Variants in MAGT1 observed in about 807,000 individuals in gnomAD.
MAGT1 encodes the protein magnesium transporter 1.
Under a neutral mutation model 28.4 loss-of-function variants are expected in MAGT1, and 4 were observed. The observed-to-expected ratio is 0.14, with a 90% CI of 0.07 to 0.32. MAGT1 has a LOEUF of 0.32. MAGT1 is among the 10% of genes least tolerant of loss of function. MAGT1 has a pLI of 1.00. For missense variants in MAGT1, 193 were observed against 264.5 expected, an observed-to-expected ratio of 0.73 and a Z score of 1.88; for synonymous variants, 89 against 89.7, an observed-to-expected ratio of 0.99 and a Z score of 0.04.
At chrX:77,856,018 T>C (rs1052453730) in intron 5 of MAGT1, among the ~76,000 whole-genome samples, 4 of 110,469 alleles carry the variant, frequency 3.6e-5, no homozygotes, top group Admixed American at 9.7e-5. Flanking sequence ...TCTGCCCACC[T>C]CGGCCTCCCA....
At chrX:77,875,772 A>G (rs782547771) in intron 1 of MAGT1, among the ~76,000 whole-genome samples, 175 bp from the exon 2 acceptor site, 2 of 110,914 alleles carry the variant, frequency 1.8e-5, no homozygotes, top group African/African-American at 6.5e-5. Flanking sequence ...AAAATACATT[A>G]TTTCATAATA....
intron 1 of MAGT1, among the ~76,000 whole-genome samples, chrX:77,893,770 G>A (rs1557219671): frequency 9.0e-6 from 1 of 111,138 alleles, no homozygotes; most frequent in African/African-American, 3.3e-5. Context: ...TGTGGCACAT[G>A]CCGGTAGTCC....
At chrX:77,863,104 T>A (rs1447930142) in intron 3 of MAGT1, among the ~76,000 whole-genome samples, 2 of 107,761 alleles carry the variant, frequency 1.9e-5, no homozygotes, top group Non-Finnish European at 3.8e-5. Flanking sequence ...GAAGCGGAGG[T>A]TGCAGTGAGC....
At chrX:77,869,274 C>T (rs1557217128) in intron 3 of MAGT1, among the ~76,000 whole-genome samples, 1 of 111,459 alleles carries the variant, frequency 9.0e-6, no homozygotes, top group African/African-American at 3.3e-5. Flanking sequence ...CTTGGCCTCC[C>T]AAAGTGCTGG....
intron 7 of MAGT1, among the ~76,000 whole-genome samples, chrX:77,847,017 C>T (rs1312858977): frequency 8.9e-6 from 1 of 112,129 alleles, no homozygotes; most frequent in Non-Finnish European, 1.9e-5. Flanking sequence ...TTTGGCTATG[C>T]CCTGCTCCCA....
intron 8 of MAGT1, among the ~76,000 whole-genome samples, chrX:77,839,407 G>A (rs2076928765): frequency 1.9e-5 from 2 of 103,725 alleles, no homozygotes; most frequent in Non-Finnish European, 3.9e-5. Flanking sequence ...GCAATGGCAC[G>A]ATCTCGGCTC....
At chrX:77,863,785 C>T (rs917570178) in intron 3 of MAGT1, among the ~76,000 whole-genome samples, 2 of 111,735 alleles carry the variant, frequency 1.8e-5, no homozygotes, top group Non-Finnish European at 3.8e-5. Context: ...TGGGAGGCTG[C>T]GGCAGGTGGA....
chrX:77,895,129 C>T (rs1288371663), intron 1 of MAGT1, among the ~76,000 whole-genome samples, 180 bp downstream of exon 1: 2 of 111,645 alleles, frequency 1.8e-5, no homozygotes, highest in Non-Finnish European at 3.8e-5. Flanking sequence ...GATTCTACAT[C>T]CCCAGAAGAC....
rs200471443 is a variant in MAGT1, at chrX:77,840,611, GGT to G, written c.901+633_901+634del. Reference sequence around the variant, plus strand: ...TAATCCCAACACTTTGGGAGGCTGAGGTGGGAAGATCACTTGAGTCCAGGGGT... The same window carrying G: ...TAATCCCAACACTTTGGGAGGCTGAGGGGAAGATCACTTGAGTCCAGGGGT... On this transcript the variant is annotated intron_variant, in intron 8 of 9. Transcript: ENST00000618282. 9.3e-3 allele frequency among the ~76,000 whole-genome samples: 1,044 copies of G among 111,879 alleles called. 6 individuals carry two copies. The highest frequency in any genetic ancestry group is 0.049 in the South Asian group (131 of 2,698).
rs782630614 is a variant in MAGT1, at chrX:77,895,387, C to A, written c.24G>T (p.Trp8Cys). 1.7e-6 allele frequency: 2 copies of A among 1,212,009 alleles called. No homozygotes were observed. Among genetic ancestry groups the A allele is most frequent in the Non-Finnish European group, 1.1e-6 (1 of 895,559 alleles). The change falls in exon 1 of 10, where the codon TGG (tryptophan) becomes TGT (cysteine). Residue 8 changes from tryptophan to cysteine, a missense_variant. Trp to Cys is a radical substitution (Grantham distance 215). Coordinates refer to ENST00000618282, the MANE Select transcript of MAGT1 (RefSeq NM_001367916.1). ...CCACCACCATGGTCACAGAGACACA[C>A]CAAAACCGCCAACGCGCTGCCATGT... MAARWRFWCVSVTMVVAL... is the reference protein window; with the variant it reads MAARWRFCCVSVTMVVAL...
intron 3 of MAGT1, among the ~76,000 whole-genome samples, chrX:77,870,219 G>C (rs2077017155): frequency 9.0e-6 from 1 of 110,836 alleles, no homozygotes; most frequent in African/African-American, 3.3e-5. Context: ...AAAGGCATAA[G>C]ATTGATATAA....
At chrX:77,888,151 T>C (rs373580859) in intron 1 of MAGT1, among the ~76,000 whole-genome samples, 1 of 112,015 alleles carries the variant, frequency 8.9e-6, no homozygotes, top group East Asian at 2.8e-4. Context: ...TATACTGATC[T>C]AAAGCTTTCA....
intron 7 of MAGT1, among the ~76,000 whole-genome samples, chrX:77,846,184 G>C (rs1340687778): frequency 9.0e-6 from 1 of 110,863 alleles, no homozygotes; most frequent in African/African-American, 3.3e-5. Flanking sequence ...TCATTCATTT[G>C]ATCTTCCATC....
intron 7 of MAGT1, among the ~76,000 whole-genome samples, chrX:77,849,213 A>C (rs1453280582): frequency 9.2e-6 from 1 of 108,306 alleles, no homozygotes; most frequent in Non-Finnish European, 1.9e-5. Flanking sequence ...AGTAGCTGGG[A>C]CCACAGGCAC....
In MAGT1 at chrX:77,895,413, T is replaced by C. The variant is rs781882781; in HGVS notation, c.-3A>G. On this transcript the variant is annotated 5_prime_UTR_variant, in exon 1 of 10. Coordinates refer to ENST00000618282, the MANE Select transcript of MAGT1 (RefSeq NM_001367916.1). Reference sequence around the variant, plus strand: ...CAAAACCGCCAACGCGCTGCCATGTTCGCTCCTCTCCCTTCTATAAGTGAA... The same window carrying C: ...CAAAACCGCCAACGCGCTGCCATGTCCGCTCCTCTCCCTTCTATAAGTGAA... The C allele has an allele frequency of 8.3e-6, 10 of 1,209,769 alleles. No homozygotes were observed. In the Admixed American group the frequency reaches 2.2e-4, roughly 26 times the overall value.
At chrX:77,882,400 A>C (rs1379790619) in intron 1 of MAGT1, among the ~76,000 whole-genome samples, 5 of 111,873 alleles carry the variant, frequency 4.5e-5, no homozygotes, top group African/African-American at 1.6e-4. Context: ...TAATTTTGCC[A>C]TATTTTCAAG....
intron 2 of MAGT1, among the ~76,000 whole-genome samples, chrX:77,874,956 A>ATGAT (rs1379378449): frequency 9.1e-6 from 1 of 109,330 alleles, no homozygotes. Flanking sequence ...CCGGGTTCAA[A>ATGAT]TGATTATTCT....
At chrX:77,858,301 C>T (rs2149018687) in intron 3 of MAGT1, among the ~76,000 whole-genome samples, 1 of 110,948 alleles carries the variant, frequency 9.0e-6, no homozygotes, top group African/African-American at 3.3e-5. Context: ...AGTGATTCTC[C>T]TGCCTCAGCC....
At chrX:77,853,480 T>C (rs782753615) in intron 7 of MAGT1, among the ~76,000 whole-genome samples, 1 of 111,982 alleles carries the variant, frequency 8.9e-6, no homozygotes, top group South Asian at 3.7e-4. Context: ...AACTTTGTAG[T>C]TTCCAAGCAA....
Sources: allele counts gnomAD v4.1 joint callset (sites outside exome capture counted in the v4.1 genomes callset), GRCh38; gene constraint gnomAD v4.1.1; transcripts MANE v1.5; gene names NCBI Gene and HGNC (gene_info 2026-07-23, HGNC 2026-07-21).